The following GRIN2B variants were observed in gnomAD, a reference collection of about 807,000 sequenced individuals.
GRIN2B encodes glutamate receptor ionotropic, NMDA 2B.
A neutral mutation model predicts 114.5 loss-of-function variants in GRIN2B; 5 were observed. The observed-to-expected ratio is 0.04, with a 90% CI of 0.02 to 0.09. The LOEUF (loss-of-function observed/expected upper bound fraction) is 0.09, where lower values mean the gene tolerates loss of function less well. GRIN2B is among the 10% of genes least tolerant of loss of function. GRIN2B has a pLI of 1.00. For missense variants in GRIN2B, 1,108 were observed against 1,943.5 expected (o/e 0.57, Z 8.08); for synonymous variants, 787 against 745.1 (o/e 1.06, Z -0.92).
At chr12:13,727,296 A>G (rs1278769011) in intron 4 of GRIN2B, among the ~76,000 whole-genome samples, 3 of 152,188 alleles carry the variant, frequency 2.0e-5, no homozygotes, top group Non-Finnish European at 4.4e-5. Context: ...TTGCTATACA[A>G]CACAGCCTTG....
chr12:13,569,858 G>A lies in GRIN2B; in HGVS notation c.2331C>T (p.Asp777=), dbSNP rs769039900. 1.2e-6 allele frequency: 2 copies of A among 1,609,622 alleles called. No individual in the cohort carries two copies. Among genetic ancestry groups the A allele is most frequent in the South Asian group, 1.1e-5 (1 of 90,756 alleles). Reference sequence around the variant, plus strand: ...CTCCAAAGAGCTGCAGGATAGCAAGGTCCACCTGGCGCTTCCACCCAGAAT... The same window carrying A: ...CTCCAAAGAGCTGCAGGATAGCAAGATCCACCTGGCGCTTCCACCCAGAAT... ...QKDSGWKRQV[D]LAILQLFGDG... The change falls in exon 12 of 14, where the codon GAC becomes GAT. Residue 777 remains aspartate (D), a synonymous_variant. Transcript: ENST00000609686.
chr12:13,608,214 A>C (rs1226876733), intron 10 of GRIN2B, among the ~76,000 whole-genome samples: 1 of 152,204 alleles, frequency 6.6e-6, no homozygotes, highest in East Asian at 1.9e-4. Flanking sequence ...ACTGGGAAGA[A>C]AAGGAGGCCA....
intron 3 of GRIN2B, among the ~76,000 whole-genome samples, chr12:13,771,226 T>C (rs535891519): frequency 3.4e-4 from 52 of 152,278 alleles, no homozygotes; most frequent in South Asian, 6.2e-4. Flanking sequence ...ATGCCTTGCT[T>C]CCCCTTCACC....
At chr12:13,692,003 C>A (rs188219487) in intron 4 of GRIN2B, among the ~76,000 whole-genome samples, 28 of 152,272 alleles carry the variant, frequency 1.8e-4, no homozygotes, top group Non-Finnish European at 3.8e-4. Context: ...AGTGTCGAGG[C>A]TGCCAAATCC....
chr12:13,698,282 T>C (rs1284698128), intron 4 of GRIN2B, among the ~76,000 whole-genome samples: 1 of 152,188 alleles, frequency 6.6e-6, no homozygotes, highest in African/African-American at 2.4e-5. Flanking sequence ...TCCCAGCAAA[T>C]CCCTGCCTTG....
chr12:13,766,183 AGG>A (rs1863783032), intron 3 of GRIN2B, among the ~76,000 whole-genome samples: 1 of 152,232 alleles, frequency 6.6e-6, no homozygotes, highest in African/African-American at 2.4e-5. Flanking sequence ...CAGGTGCTGT[AGG>A]AAGTAGAAAT....
At chr12:13,582,825 A>C (rs762255044) in intron 10 of GRIN2B, among the ~76,000 whole-genome samples, 3 of 152,124 alleles carry the variant, frequency 2.0e-5, no homozygotes, top group Non-Finnish European at 2.9e-5. Context: ...CAAATAAAAC[A>C]CCAGTTCTTC....
chr12:13,711,500 A>G (rs1950413759), intron 4 of GRIN2B, among the ~76,000 whole-genome samples: 2 of 152,206 alleles, frequency 1.3e-5, no homozygotes, highest in South Asian at 4.1e-4. Flanking sequence ...GCTAATATCC[A>G]GAATCTACAA....
intron 10 of GRIN2B, among the ~76,000 whole-genome samples, chr12:13,604,957 C>T (rs535209031): frequency 2.6e-5 from 4 of 151,034 alleles, no homozygotes; most frequent in Admixed American, 1.3e-4. Flanking sequence ...AAGTAAACAG[C>T]TGTTAAGGGG....
At chr12:13,835,181 C>A (rs1413642621) in intron 3 of GRIN2B, among the ~76,000 whole-genome samples, 1 of 152,170 alleles carries the variant, frequency 6.6e-6, no homozygotes. Flanking sequence ...AGGAAAGGAA[C>A]GCCTCCATCC....
chr12:13,924,552 G>C (rs1203698282), intron 2 of GRIN2B, among the ~76,000 whole-genome samples: 1 of 152,140 alleles, frequency 6.6e-6, no homozygotes, highest in Non-Finnish European at 1.5e-5. Flanking sequence ...GCTGGGGAAA[G>C]GGCCATCTAA....
In GRIN2B at chr12:13,606,621, C is replaced by G. The variant is rs12313594; in HGVS notation, c.2010+1982G>C. On this transcript the variant is annotated intron_variant, in intron 10 of 13. Transcript: ENST00000609686. ...AGGAGGTGGGCGTGGTCCACCTTAC[C>G]CTAAGCCACAACCAAGTATTGAGCT... Among the ~76,000 whole-genome samples, 898 of 152,202 alleles carry G rather than the reference C, an allele frequency of 5.9e-3. 8 individuals are homozygous for G. Among genetic ancestry groups the G allele is most frequent in the African/African-American group, 0.021 (854 of 41,506 alleles).
chr12:13,756,973 T>C (rs1246530581), intron 3 of GRIN2B, among the ~76,000 whole-genome samples: 1 of 152,148 alleles, frequency 6.6e-6, no homozygotes, highest in Non-Finnish European at 1.5e-5. Context: ...CAATGCATAA[T>C]GAGAGTGAGA....
intron 5 of GRIN2B, among the ~76,000 whole-genome samples, chr12:13,623,553 C>T (rs1411708505): frequency 6.6e-6 from 1 of 152,202 alleles, no homozygotes; most frequent in African/African-American, 2.4e-5. Flanking sequence ...TGAGCGCAAG[C>T]ACCTTTCCAC....
At chr12:13,923,209 A>G (rs1390235699) in intron 2 of GRIN2B, among the ~76,000 whole-genome samples, 1 of 152,192 alleles carries the variant, frequency 6.6e-6, no homozygotes, top group African/African-American at 2.4e-5. Context: ...TCGTTCAGCA[A>G]TTCTCAAAAT....
rs114538820 is a variant in GRIN2B, at chr12:13,963,287, C to A, written c.-19+16641G>T. Among the ~76,000 whole-genome samples the A allele has an allele frequency of 5.9e-3, 904 of 152,262 alleles. 11 individuals are homozygous for A. The highest frequency in any genetic ancestry group is 0.021 in the African/African-American group (864 of 41,550). The stretch of plus-strand genomic sequence containing the variant: ...CTGTAACACTCCCAATTTCCTGAGG[C>A]TCTCCTAGGCACTCGGTTTCATACA... On this transcript the variant is annotated intron_variant, in intron 2 of 13. Coordinates refer to ENST00000609686, the MANE Select transcript of GRIN2B (RefSeq NM_000834.5).
chr12:13,608,106 C>G (rs1949311180), intron 10 of GRIN2B, among the ~76,000 whole-genome samples: 1 of 152,210 alleles, frequency 6.6e-6, no homozygotes, highest in Admixed American at 6.5e-5. Context: ...TCCAGTTAAA[C>G]AGCAGTTACT....
At chr12:13,855,839 A>G (rs1012426554) in intron 3 of GRIN2B, among the ~76,000 whole-genome samples, 1 of 152,224 alleles carries the variant, frequency 6.6e-6, no homozygotes, top group African/African-American at 2.4e-5. Context: ...AAGGATCACC[A>G]TGCTACCCAG....
At chr12:13,821,051 C>T (rs939770570) in intron 3 of GRIN2B, among the ~76,000 whole-genome samples, 2 of 152,080 alleles carry the variant, frequency 1.3e-5, no homozygotes, top group East Asian at 1.9e-4. Flanking sequence ...CCCCAGTTAC[C>T]GAGAACCACT....
Sources: gnomAD v4.1 joint callset for allele counts (sites outside exome capture counted in the v4.1 genomes callset) on GRCh38, gnomAD v4.1.1 for gene constraint, MANE v1.5 for transcripts, NCBI Gene and HGNC (gene_info 2026-07-23, HGNC 2026-07-21) for gene names.